Variants in SORCS2 observed in about 807,000 individuals in gnomAD.
SORCS2 encodes the protein VPS10 domain-containing receptor SorCS2.
SORCS2 carries 100 observed loss-of-function variants against 141.6 expected under a neutral mutation model. That is an observed-to-expected ratio of 0.71 (90% CI 0.60 to 0.83). The LOEUF (loss-of-function observed/expected upper bound fraction) is 0.83, where lower values mean the gene tolerates loss of function less well. Among genes scored for constraint, SORCS2 ranks in the 40% least tolerant of loss-of-function variants. SORCS2 has a pLI of 0.00. For missense variants in SORCS2, 1,646 were observed against 1,560.2 expected, an observed-to-expected ratio of 1.05 and a Z score of -0.93; for synonymous variants, 789 against 676.9, an observed-to-expected ratio of 1.17 and a Z score of -2.57.
At chr4:7,446,099 C>A (rs1032112337) in intron 2 of SORCS2, among the ~76,000 whole-genome samples, 1 of 151,960 alleles carries the variant, frequency 6.6e-6, no homozygotes, top group African/African-American at 2.4e-5. Flanking sequence ...CTTTTCCCTT[C>A]CCTTTTGGTT....
intron 3 of SORCS2, among the ~76,000 whole-genome samples, chr4:7,600,586 T>C (rs572194500): frequency 1.3e-5 from 2 of 151,744 alleles, no homozygotes. Flanking sequence ...CCTGGGAGCA[T>C]TGCTAACCCG....
intron 3 of SORCS2, among the ~76,000 whole-genome samples, chr4:7,539,838 G>A (rs1237013752): frequency 6.7e-6 from 1 of 149,466 alleles, no homozygotes; most frequent in Non-Finnish European, 1.5e-5. Context: ...TCCTGTTGTG[G>A]CTGCTCCGCC....
chr4:7,568,094 G>A (rs908638836), intron 3 of SORCS2, among the ~76,000 whole-genome samples: 1 of 152,170 alleles, frequency 6.6e-6, no homozygotes, highest in Non-Finnish European at 1.5e-5. Flanking sequence ...AGCTCTGACT[G>A]CTTTTATTGG....
chr4:7,687,669 G>A (rs558797192), intron 10 of SORCS2, among the ~76,000 whole-genome samples: 3 of 152,090 alleles, frequency 2.0e-5, no homozygotes, highest in Non-Finnish European at 4.4e-5. Flanking sequence ...TGGACACAGG[G>A]CCACCTTTCA....
chr4:7,556,684 C>T (rs1437433184), intron 3 of SORCS2, among the ~76,000 whole-genome samples: 2 of 151,978 alleles, frequency 1.3e-5, no homozygotes, highest in African/African-American at 4.8e-5. Flanking sequence ...ATCCAGTCAC[C>T]CACCTACCCT....
At chr4:7,641,229 GA>G (rs1187820947) in intron 4 of SORCS2, among the ~76,000 whole-genome samples, 3 of 152,204 alleles carry the variant, frequency 2.0e-5, no homozygotes, top group African/African-American at 4.8e-5. Flanking sequence ...AATTTATGAA[GA>G]AAGAGGTTTA....
At chr4:7,377,584 G>T (rs1722742493) in intron 1 of SORCS2, among the ~76,000 whole-genome samples, 1 of 152,172 alleles carries the variant, frequency 6.6e-6, no homozygotes, top group Non-Finnish European at 1.5e-5. Flanking sequence ...CTTAATTCAA[G>T]TTTTTTGTCT....
chr4:7,725,050 GTGA>G (rs1396591475), intron 19 of SORCS2, 101 bp from the exon 20 acceptor site: 1 of 1,243,990 alleles, frequency 8.0e-7, no homozygotes, highest in East Asian at 2.4e-5. Context: ...AGTGGTGGTG[GTGA>G]TGATAGCAAT....
chr4:7,723,268 A>C (rs1235098083), intron 18 of SORCS2, among the ~76,000 whole-genome samples: 1 of 152,084 alleles, frequency 6.6e-6, no homozygotes, highest in Non-Finnish European at 1.5e-5. Flanking sequence ...CAGGCGGCTT[A>C]GGCACTTCCA....
intron 3 of SORCS2, among the ~76,000 whole-genome samples, chr4:7,582,580 G>T (rs1433912469): frequency 6.6e-6 from 1 of 152,112 alleles, no homozygotes; most frequent in African/African-American, 2.4e-5. Flanking sequence ...TTCATATGTA[G>T]CAGAGCAGCT....
At chr4:7,583,779 C>G (rs2108763044) in intron 3 of SORCS2, among the ~76,000 whole-genome samples, 1 of 152,334 alleles carries the variant, frequency 6.6e-6, no homozygotes, top group Middle Eastern at 3.4e-3. Context: ...TACCCAGTCT[C>G]TAGCATGTCT....
intron 2 of SORCS2, among the ~76,000 whole-genome samples, chr4:7,478,908 C>T (rs1730462208): frequency 1.3e-5 from 2 of 152,222 alleles, no homozygotes; most frequent in Non-Finnish European, 2.9e-5. Context: ...GGCCAAGTCA[C>T]TCAAAGCCTC....
intron 1 of SORCS2, among the ~76,000 whole-genome samples, chr4:7,335,050 G>T (rs1719900360): frequency 6.6e-6 from 1 of 152,180 alleles, no homozygotes; most frequent in Admixed American, 6.5e-5. Flanking sequence ...TAGCAGTGGG[G>T]AGCCATGGAG....
At chr4:7,196,234 G>A (rs780129231) in intron 1 of SORCS2, among the ~76,000 whole-genome samples, 3 of 152,194 alleles carry the variant, frequency 2.0e-5, no homozygotes, top group Admixed American at 6.5e-5. Flanking sequence ...GAGGTATTGC[G>A]TTTTTATGGA....
intron 2 of SORCS2, among the ~76,000 whole-genome samples, chr4:7,507,143 T>C (rs1284808441): frequency 6.8e-6 from 1 of 147,996 alleles, no homozygotes; most frequent in East Asian, 1.9e-4. Flanking sequence ...TATTTACATG[T>C]ATAAAAATGA....
chr4:7,336,251 G>A lies in SORCS2; in HGVS notation c.481-60037G>A, dbSNP rs535340640. 2.6e-5 allele frequency among the ~76,000 whole-genome samples: 4 copies of A among 152,262 alleles called. No homozygotes were observed. The South Asian group carries it at 6.2e-4, about 24-fold the overall frequency. ...TCCCTCACTGGGGTTTCAGGGAGCC[G>A]TCTGCTCTGCTGAAGGGAGGAGAAG... On this transcript the variant is annotated intron_variant, in intron 1 of 26. Transcript: ENST00000507866.
chr4:7,669,618 G>A (rs1722682949), intron 8 of SORCS2, among the ~76,000 whole-genome samples: 1 of 152,152 alleles, frequency 6.6e-6, no homozygotes, highest in African/African-American at 2.4e-5. Context: ...TCTTCCCACA[G>A]ACTCAACTCT....
intron 3 of SORCS2, among the ~76,000 whole-genome samples, chr4:7,615,736 G>A (rs1196431452): frequency 6.6e-6 from 1 of 151,750 alleles, no homozygotes; most frequent in Admixed American, 6.6e-5. Flanking sequence ...TGCTCCCGCA[G>A]ACCTGAGCTT....
intron 1 of SORCS2, among the ~76,000 whole-genome samples, chr4:7,305,396 A>G (rs999543024): frequency 7.1e-6 from 1 of 140,498 alleles, no homozygotes; most frequent in African/African-American, 2.7e-5. Flanking sequence ...CACTATTTCT[A>G]TGGAATACAA....
Sources: gnomAD v4.1 joint callset for allele counts (sites outside exome capture counted in the v4.1 genomes callset) on GRCh38, gnomAD v4.1.1 for gene constraint, MANE v1.5 for transcripts, NCBI Gene and HGNC (gene_info 2026-07-23, HGNC 2026-07-21) for gene names.